Variants in GSDMB observed in about 807,000 individuals in gnomAD.
The protein encoded by GSDMB is gasdermin B, also known as gasdermin-B.
Under a neutral mutation model 42.9 loss-of-function variants are expected in GSDMB, and 32 were observed. The observed-to-expected ratio is 0.75, with a 90% CI of 0.56 to 1.00. GSDMB has a LOEUF of 1.00. Among genes scored for constraint, GSDMB ranks in the 50% least tolerant of loss-of-function variants. GSDMB has a pLI of 0.00. For synonymous variants in GSDMB, 175 were observed against 193.7 expected, an observed-to-expected ratio of 0.90 and a Z score of 0.80; for missense variants, 468 against 498.5, an observed-to-expected ratio of 0.94 and a Z score of 0.58.
At chr17:39,915,161 AG>A (rs1396215842) in intron 2 of GSDMB, among the ~76,000 whole-genome samples, 4 of 152,024 alleles carry the variant, frequency 2.6e-5, no homozygotes. Context: ...TAGTAGAGAC[AG>A]GGTTTCGCCA....
At position 39,912,429 on chromosome 17, in the gene GSDMB, T is replaced by C. The variant is rs775854754; in HGVS notation, c.304A>G (p.Lys102Glu). ...AAACTGCCTGAAATTGTTATTTCTTTGGGTAATCTCACTATCAACTCTCCC... is the reference window on the plus strand; with the variant it reads ...AAACTGCCTGAAATTGTTATTTCTTCGGGTAATCTCACTATCAACTCTCCC... ...STGELIVRLPKEITISGSFQG... is the reference protein window; with the variant it reads ...STGELIVRLPEEITISGSFQG... The change falls in exon 3 of 11, where the codon AAA becomes GAA. Residue 102 changes from lysine to glutamate, a missense_variant. By Grantham distance (56) the Lys-to-Glu change is moderately conservative (BLOSUM62 1). Coordinates refer to ENST00000418519, the MANE Select transcript of GSDMB (RefSeq NM_001165958.2). 7 of 1,612,222 alleles carry C rather than the reference T, an allele frequency of 4.3e-6. No homozygotes were observed. The highest frequency in any genetic ancestry group is 5.9e-6 in the Non-Finnish European group (7 of 1,178,246).
intron 3 of GSDMB, among the ~76,000 whole-genome samples, chr17:39,910,861 A>G (rs2063594661): frequency 6.6e-6 from 1 of 152,054 alleles, no homozygotes; most frequent in Non-Finnish European, 1.5e-5. Flanking sequence ...CAATACCCTC[A>G]CCTGACAAAC....
rs1170805626 is a variant in GSDMB at position 39,906,452 on chromosome 17, G to GACCCC, written c.728-186_728-182dup. 11 of 924,306 alleles carry GACCCC rather than the reference G, an allele frequency of 1.2e-5. No individual in the cohort carries two copies. In the African/African-American group the frequency reaches 1.8e-4, roughly 15 times the overall value. The allele number at this position is 924,306 out of a possible 1,614,324, so 57.3% of individuals were successfully genotyped here. On this transcript the variant is annotated intron_variant, in intron 7 of 10. Transcript: ENST00000418519. ...ATACCTACCATCATTGCCTCCCACT[G>GACCCC]ACCCCACTTCCATCTTCCATCTCCC...
intron 2 of GSDMB, among the ~76,000 whole-genome samples, chr17:39,915,489 C>T (rs910905768): frequency 5.3e-5 from 8 of 151,892 alleles, no homozygotes; most frequent in East Asian, 1.9e-4. Flanking sequence ...ATTTTTTTTT[C>T]CCAGACTTAA....
rs3076830 is a variant in GSDMB at position 39,908,324 on chromosome 17, C to CAA, written c.662-112_662-111dup. The CAA allele has an allele frequency of 2.7e-3, 673 of 245,612 alleles. 26 individuals are homozygous for CAA. Among genetic ancestry groups the CAA allele is most frequent in the African/African-American group, 0.018 (583 of 33,196 alleles). 15.2% of individuals were successfully genotyped at this position (245,612 alleles called of 1,614,324 possible). ...CTCAATCCCTATACCAGCCTCCAAT[C>CAA]AAAAAAAAAAAAAAAAAAAGACAAC... is the stretch of plus-strand genomic sequence containing the variant. On this transcript the variant is annotated intron_variant, in intron 5 of 10. Coordinates refer to ENST00000418519, the MANE Select transcript of GSDMB (RefSeq NM_001165958.2).
Position 39,906,810 on chromosome 17 carries a change from G to A in GSDMB, c.727+151C>T, listed in dbSNP as rs991335749. On this transcript the variant is annotated intron_variant, in intron 7 of 10. Transcript: ENST00000418519. ...ACCACTGTGTTTAGAGGAGACAGAT[G>A]CAGCCTCCAGACTAAAGTTGAAACC... 4.0e-6 allele frequency: 6 copies of A among 1,490,186 alleles called. No homozygotes were observed. The African/African-American group carries it at 7.0e-5, about 17-fold the overall frequency. The allele number at this position is 1,490,186 out of a possible 1,614,324, so 92.3% of individuals were successfully genotyped here.
intron 3 of GSDMB, among the ~76,000 whole-genome samples, chr17:39,910,163 T>C (rs1440296096): frequency 1.3e-5 from 2 of 152,074 alleles, no homozygotes; most frequent in African/African-American, 4.8e-5. Context: ...CCCAGCATTT[T>C]GGGAGGCTGA....
rs768619520 is a variant in GSDMB, at chr17:39,905,854, G to A, written c.1020C>T (p.Ala340=). 2.5e-6 allele frequency: 4 copies of A among 1,613,582 alleles called. No individual in the cohort carries two copies. The highest frequency in any genetic ancestry group is 8.5e-7 in the Non-Finnish European group (1 of 1,179,878). ...AGCGAGACCCTTCCTCACCTAGCAG[G>A]GCATCCAGGAAGTCCAGAATGGCTT... The part of the protein sequence containing the change: ...RAKAILDFLD[A]LLELSEEQQF... The change falls in exon 9 of 11, where the codon GCC becomes GCT. Residue 340 remains alanine, a synonymous_variant. Coordinates refer to ENST00000418519, the MANE Select transcript of GSDMB (RefSeq NM_001165958.2).
At chr17:39,906,822 C>G in intron 7 of GSDMB, 139 bp downstream of exon 7, 2 of 1,517,626 alleles carry the variant, frequency 1.3e-6, no homozygotes, top group East Asian at 4.6e-5. Flanking sequence ...AGCCTCCAGA[C>G]TAAAGTTGAA....
Position 39,909,830 on chromosome 17 carries a change from C to CCAGGA in GSDMB, c.501_502insTCCTG (p.Glu168SerfsTer5), listed in dbSNP as rs1351667944. On this transcript the variant is annotated frameshift_variant, in exon 4 of 11. Transcript: ENST00000418519. LOFTEE classifies it high-confidence loss of function. ...TATTGCCGGTCGCTTTTCAGGGTTT[C>CCAGGA]CTCCTTTACCGTCTCCAGAGTTTCT... 2.5e-6 allele frequency: 4 copies of CCAGGA among 1,613,874 alleles called. No individual in the cohort carries two copies. The African/African-American group carries it at 4.0e-5, about 16-fold the overall frequency.
At chr17:39,906,762 A>T (rs2063512103) in intron 7 of GSDMB, 199 bp downstream of exon 7, 1 of 1,370,488 alleles carries the variant, frequency 7.3e-7, no homozygotes, top group East Asian at 2.6e-5. Context: ...TCCTGGTGTG[A>T]TTTTGGGGTA....
rs2063624145 is a variant in GSDMB, at chr17:39,912,242, A to AG, written c.407+83dup. ...AAATAAAAATAAATAAATTTTAAAA[A>AG]GAGCCGGTCTGCCACCCTTGAATCC... On this transcript the variant is annotated intron_variant, in intron 3 of 10. Transcript: ENST00000418519. 22 of 921,604 alleles carry AG rather than the reference A, an allele frequency of 2.4e-5. No individual in the cohort carries two copies. In the East Asian group the frequency reaches 5.5e-4, roughly 23 times the overall value. 57.1% of individuals were successfully genotyped at this position (921,604 alleles called of 1,614,324 possible).
intron 6 of GSDMB, 141 bp from the exon 7 acceptor site, chr17:39,907,128 C>G (rs883770): frequency 6.7e-7 from 1 of 1,497,068 alleles, no homozygotes; most frequent in African/African-American, 1.4e-5. Flanking sequence ...TCCTCACCAG[C>G]GTGTGTCAAT....
chr17:39,905,536 G>A, intron 9 of GSDMB, 40 bp from the exon 10 acceptor site: 1 of 1,480,792 alleles, frequency 6.8e-7, no homozygotes. Context: ...AGAGATATAT[G>A]GTGGGACAGG....
intron 10 of GSDMB, 179 bp downstream of exon 10, chr17:39,905,247 C>G: frequency 1.6e-6 from 1 of 614,620 alleles, no homozygotes; most frequent in Non-Finnish European, 2.9e-6. Context: ...CTAAAGAACC[C>G]ACCACAAATT....
intron 6 of GSDMB, chr17:39,907,844 A>C: frequency 3.7e-6 from 1 of 272,986 alleles, no homozygotes; most frequent in Non-Finnish European, 7.0e-6. Flanking sequence ...ACTCCAGTCC[A>C]GGACCCTTTT....
In GSDMB at chr17:39,909,024, TG is replaced by T; in HGVS notation, c.594del (p.Ile199SerfsTer7). 1 of 1,599,940 alleles carries T rather than the reference TG, an allele frequency of 6.3e-7. No homozygotes were observed. The highest frequency in any genetic ancestry group is 8.5e-7 in the Non-Finnish European group (1 of 1,173,540). On this transcript the variant is annotated frameshift_variant, in exon 5 of 11. Coordinates refer to ENST00000418519, the MANE Select transcript of GSDMB (RefSeq NM_001165958.2). LOFTEE classifies it high-confidence loss of function. ...TAGCTCAGGACCCGATTTGGGGGGA[TG>T]GTCACTTCCCTTTGGCCCTAGAAAA... ...SYKHKGQREVTIPPNRVLSYR... is the reference protein window; with the variant it reads ...SYKHKGQREVXIPPNRVLSYR...
chr17:39,916,078 G>C (rs1026935732), intron 2 of GSDMB, among the ~76,000 whole-genome samples: 1 of 152,038 alleles, frequency 6.6e-6, no homozygotes, highest in Non-Finnish European at 1.5e-5. Context: ...CAGAGGCAGG[G>C]GGTTGGAATA....
At chr17:39,908,100 T>C (rs2063537401) in intron 6 of GSDMB, 76 bp downstream of exon 6, 1 of 867,746 alleles carries the variant, frequency 1.2e-6, no homozygotes. Context: ...ACCTAACCAC[T>C]CTGTAATTCC....
Sources: gnomAD v4.1 joint callset for allele counts (sites outside exome capture counted in the v4.1 genomes callset) on GRCh38, gnomAD v4.1.1 for gene constraint, MANE v1.5 for transcripts, NCBI Gene and HGNC (gene_info 2026-07-23, HGNC 2026-07-21) for gene names.